RCE1: variants seen among roughly 807,000 people sequenced by gnomAD.
The protein encoded by RCE1 is Ras converting CAAX endopeptidase 1.
Under a neutral mutation model 35.0 loss-of-function variants are expected in RCE1, and 15 were observed. The ratio of observed to expected loss-of-function variants is 0.43; its 90% CI spans 0.29 to 0.66. The LOEUF is 0.66. RCE1 is among the 30% of genes least tolerant of loss of function. The probability of loss-of-function intolerance (pLI) is 0.17; values close to 1 mark genes in which losing one functional copy is unlikely to be tolerated. For synonymous variants in RCE1, 261 were observed against 192.7 expected (o/e 1.35, Z -2.94); for missense variants, 434 against 433.0 (o/e 1.00, Z -0.02).
chr11:66,845,139 G>A, intron 5 of RCE1, 27 bp from the exon 6 acceptor site: 5 of 1,614,252 alleles, frequency 3.1e-6, no homozygotes, highest in Non-Finnish European at 4.2e-6. Flanking sequence ...AGGAATGACT[G>A]TGATGTGATT....
In RCE1 at chr11:66,843,577, C is replaced by T. The variant is rs754006197; in HGVS notation, c.122C>T (p.Ser41Phe). 1.3e-6 allele frequency: 2 copies of T among 1,583,600 alleles called. No individual in the cohort carries two copies. Among genetic ancestry groups the T allele is most frequent in the Non-Finnish European group, 8.5e-7 (1 of 1,172,658 alleles). The change falls in exon 1 of 8, where the codon TCC becomes TTC. Residue 41 changes from serine to phenylalanine, a missense_variant. Physicochemically the swap from Ser to Phe is radical, Grantham distance 155 (BLOSUM62 -2). Coordinates refer to ENST00000309657, the MANE Select transcript of RCE1 (RefSeq NM_005133.3). ...CTGTGCTGCTGGGTGTCAGTGTTCT[C>T]CTGCCTCAGCCTCGCCTGCTCCTAC... ...PGLCCWVSVF[S>F]CLSLACSYVG...
rs781564374 is a variant in RCE1, at chr11:66,843,829, G to A, written c.256G>A (p.Val86Met). The part of the protein sequence containing the change: ...LVVSSLSPLC[V>M]LLWRELTGIQ... The stretch of plus-strand genomic sequence containing the variant: ...GGTGTCCAGTCTCTCACCCCTGTGC[G>A]TGCTGCTCTGGAGGGAACTCACAGG... The change falls in exon 2 of 8, where the codon GTG (valine) becomes ATG (methionine). Residue 86 changes from valine to methionine, a missense_variant. Val to Met is a conservative substitution (Grantham distance 21). Coordinates refer to ENST00000309657, the MANE Select transcript of RCE1 (RefSeq NM_005133.3). The A allele has an allele frequency of 6.8e-6, 11 of 1,614,092 alleles. No homozygotes were observed. The Admixed American group carries it at 1.7e-4, about 24-fold the overall frequency.
chr11:66,844,191 G>A, intron 3 of RCE1, 95 bp from the exon 4 acceptor site: 1 of 1,596,700 alleles, frequency 6.3e-7, no homozygotes, highest in Non-Finnish European at 8.6e-7. Context: ...GGAAATCGTG[G>A]CTGGAGAGGA....
rs776387810 is a variant in RCE1 at position 66,845,500 on chromosome 11, C to T, written c.692C>T (p.Ala231Val). Residue 231 changes from alanine to valine, a missense_variant and splice_region_variant, in exon 7 of 8, where the codon GCG (alanine) becomes GTG (valine). Transcript: ENST00000309657. ...TCACTCGTGGCCTCCCCGTCTCCAG[C>T]GTTCCAGTTCTCCTACACAGCTGTC... Reference protein sequence around the residue: ...SSVGNIFLSAAFQFSYTAVFG... With the variant: ...SSVGNIFLSAVFQFSYTAVFG... 11 of 1,614,058 alleles carry T rather than the reference C, an allele frequency of 6.8e-6. No individual in the cohort carries two copies. Among genetic ancestry groups the T allele is most frequent in the African/African-American group, 2.7e-5 (2 of 74,914 alleles).
chr11:66,844,671 T>C, intron 4 of RCE1, 198 bp from the exon 5 acceptor site: 1 of 880,228 alleles, frequency 1.1e-6, no homozygotes, highest in Non-Finnish European at 1.7e-6. Flanking sequence ...AGGATGCCCT[T>C]GCCTCAGCTA....
chr11:66,845,213 G>A lies in RCE1; in HGVS notation c.667G>A (p.Val223Met), dbSNP rs371258472. 19 of 1,614,258 alleles carry A rather than the reference G, an allele frequency of 1.2e-5. No individual in the cohort carries two copies. Among genetic ancestry groups the A allele is most frequent in the East Asian group, 8.9e-5 (4 of 44,888 alleles). Reference protein sequence around the residue: ...IEQLRFRQSSVGNIFLSAAFQ... With the variant: ...IEQLRFRQSSMGNIFLSAAFQ... ...GCAGCTGCGTTTCCGCCAGAGCAGC[G>A]TGGGGAACATCTTCTTGTCTGCTGG... The change falls in exon 6 of 8, where the codon GTG becomes ATG. Residue 223 changes from valine to methionine, a missense_variant. Val to Met is a conservative substitution (Grantham distance 21, BLOSUM62 1). Coordinates refer to ENST00000309657, the MANE Select transcript of RCE1 (RefSeq NM_005133.3).
At chr11:66,845,772 C>A in intron 7 of RCE1, 88 bp from the exon 8 acceptor site, 2 of 1,528,772 alleles carry the variant, frequency 1.3e-6, no homozygotes, top group Non-Finnish European at 1.8e-6. Context: ...ATCTTGATCT[C>A]CTGTTTCAGG....
Position 66,846,067 on chromosome 11 carries a change from G to T in RCE1, c.962G>T (p.Gly321Val). ...LPLCVLLERA[G>V]DSEAPLCS ...CTTTGTGTGCTTTTGGAGCGGGCAG[G>T]GGACTCAGAGGCTCCCCTGTGCTCC... The change falls in exon 8 of 8, where the codon GGG (glycine) becomes GTG (valine). Residue 321 changes from glycine (G) to valine (V), a missense_variant. Gly to Val is a moderately radical substitution (Grantham distance 109). Coordinates refer to ENST00000309657, the MANE Select transcript of RCE1 (RefSeq NM_005133.3). 6.2e-7 allele frequency: 1 copy of T among 1,612,066 alleles called. No individual in the cohort carries two copies. The highest frequency in any genetic ancestry group is 8.5e-7 in the Non-Finnish European group (1 of 1,179,566).
intron 2 of RCE1, 21 bp downstream of exon 2, chr11:66,843,882 AG>A (rs750022110): frequency 6.2e-7 from 1 of 1,614,046 alleles, no homozygotes; most frequent in African/African-American, 1.3e-5. Context: ...GGCGGGGCAA[AG>A]GGCAACGGCG....
intron 6 of RCE1, 58 bp downstream of exon 6, chr11:66,845,295 T>G (rs1248306734): frequency 3.1e-6 from 5 of 1,611,426 alleles, no homozygotes; most frequent in Non-Finnish European, 3.4e-6. Flanking sequence ...TAATGGCCAC[T>G]CTGGAGAAGG....
chr11:66,843,779 A>G lies in RCE1; in HGVS notation c.206A>G (p.Lys69Arg), dbSNP rs768917688. 23 of 1,613,724 alleles carry G rather than the reference A, an allele frequency of 1.4e-5. No individual in the cohort carries two copies. Among genetic ancestry groups the G allele is most frequent in the Admixed American group, 3.3e-5 (2 of 60,010 alleles). ...CGTAGGGACCATCCCGCGGTCATCA[A>G]GCGACGCTTCACCAGCGTCCTGGTG... ...ELPRDHPAVIKRRFTSVLVVS... is the reference protein window; with the variant it reads ...ELPRDHPAVIRRRFTSVLVVS... The change falls in exon 2 of 8, where the codon AAG becomes AGG. Residue 69 changes from lysine (K) to arginine (R), a missense_variant. Lys to Arg is a conservative substitution (Grantham distance 26, BLOSUM62 2). Coordinates refer to ENST00000309657, the MANE Select transcript of RCE1 (RefSeq NM_005133.3).
In RCE1 at chr11:66,846,155, G is replaced by A; in HGVS notation, c.*60G>A. The A allele has an allele frequency of 1.3e-6, 2 of 1,508,212 alleles. No homozygotes were observed. The highest frequency in any genetic ancestry group is 1.8e-6 in the Non-Finnish European group (2 of 1,133,848). The allele number at this position is 1,508,212 out of a possible 1,614,324, so 93.4% of individuals were successfully genotyped here. A position where few individuals can be genotyped will look rare whatever the true frequency, so the allele number is the denominator to read the frequency against. On this transcript the variant is annotated 3_prime_UTR_variant, in exon 8 of 8. Transcript: ENST00000309657. ...GCTCCCCAGCCCTCCCCACCAAGGG[G>A]TACTGCAGGGGAAGGGCTGGCTGGG...
Sources: allele counts gnomAD v4.1 joint callset, GRCh38; gene constraint gnomAD v4.1.1; transcripts MANE v1.5; gene names NCBI Gene and HGNC (gene_info 2026-07-23, HGNC 2026-07-21).